SPATS2: variants seen among roughly 807,000 people sequenced by gnomAD.
SPATS2 encodes the protein spermatogenesis associated serine rich 2, also known as spermatogenesis-associated serine-rich protein 2.
SPATS2 carries 38 observed loss-of-function variants against 63.7 expected under a neutral mutation model. That is an observed-to-expected ratio of 0.60 (90% CI 0.46 to 0.78). SPATS2 has a LOEUF of 0.78. Among genes scored for constraint, SPATS2 ranks in the 30% least tolerant of loss-of-function variants. The pLI, the probability that SPATS2 is intolerant of heterozygous loss-of-function variation, is 0.00. For missense variants in SPATS2, 588 were observed against 666.2 expected, an observed-to-expected ratio of 0.88 and a Z score of 1.29; for synonymous variants, 207 against 232.9, an observed-to-expected ratio of 0.89 and a Z score of 1.01.
At position 49,449,693 on chromosome 12, in the gene SPATS2, C is replaced by A. The variant is rs992041810; in HGVS notation, c.-243-11077C>A. ...AAGTCATGTCTTACATGGAAGCAGG[C>A]AAGAAAGTTTGTGCAGGGGAACTCC... On this transcript the variant is annotated intron_variant, in intron 2 of 13. Transcript: ENST00000552918. 2.0e-5 allele frequency among the ~76,000 whole-genome samples: 3 copies of A among 152,266 alleles called. No individual in the cohort carries two copies. The South Asian group carries it at 6.2e-4, about 32-fold the overall frequency.
chr12:49,402,875 C>G (rs1944630381), intron 2 of SPATS2, among the ~76,000 whole-genome samples: 2 of 152,124 alleles, frequency 1.3e-5, no homozygotes, highest in African/African-American at 2.4e-5. Context: ...AGAGAAAACA[C>G]TACGGATAGG....
At chr12:49,404,559 G>C in intron 2 of SPATS2, among the ~76,000 whole-genome samples, 1 of 152,118 alleles carries the variant, frequency 6.6e-6, no homozygotes, top group Non-Finnish European at 1.5e-5. Context: ...GATTATAGGC[G>C]TGAGCCACTG....
chr12:49,424,352 T>C (rs1211896905), intron 2 of SPATS2, among the ~76,000 whole-genome samples: 1 of 152,196 alleles, frequency 6.6e-6, no homozygotes, highest in African/African-American at 2.4e-5. Flanking sequence ...AGAACATACC[T>C]GCATAGGGAA....
At chr12:49,464,406 G>A (rs1036986315) in intron 3 of SPATS2, among the ~76,000 whole-genome samples, 1 of 151,260 alleles carries the variant, frequency 6.6e-6, no homozygotes, top group African/African-American at 2.4e-5. Context: ...GATCATCTGA[G>A]GTTGGGAGTT....
chr12:49,398,793 T>A (rs1057355811), intron 2 of SPATS2, among the ~76,000 whole-genome samples: 4 of 152,210 alleles, frequency 2.6e-5, no homozygotes, highest in African/African-American at 7.2e-5. Flanking sequence ...TGATTTGAGT[T>A]AAACAGCTCT....
At chr12:49,431,730 T>A (rs898644893) in intron 2 of SPATS2, among the ~76,000 whole-genome samples, 1 of 152,298 alleles carries the variant, frequency 6.6e-6, no homozygotes, top group Non-Finnish European at 1.5e-5. Context: ...GCAAGGTAAA[T>A]TCCTAGAAAT....
chr12:49,371,800 C>T (rs1298838607), intron 2 of SPATS2, among the ~76,000 whole-genome samples: 1 of 152,118 alleles, frequency 6.6e-6, no homozygotes, highest in African/African-American at 2.4e-5. Context: ...CTTGTGAGAA[C>T]AACCCCAGGG....
intron 9 of SPATS2, among the ~76,000 whole-genome samples, chr12:49,510,340 T>TC (rs1946730913): frequency 1.3e-5 from 2 of 151,032 alleles, no homozygotes; most frequent in Non-Finnish European, 2.9e-5. Flanking sequence ...TGTGGATGGA[T>TC]CGCTTGAGCT....
chr12:49,389,544 C>A, intron 2 of SPATS2: 1 of 980,908 alleles, frequency 1.0e-6, no homozygotes, highest in Non-Finnish European at 1.7e-6. Flanking sequence ...AAGGCACTTG[C>A]TGATGCTAAA....
chr12:49,512,164 T>G (rs892487642), intron 9 of SPATS2, among the ~76,000 whole-genome samples: 7 of 152,222 alleles, frequency 4.6e-5, no homozygotes, highest in Non-Finnish European at 7.3e-5. Flanking sequence ...TGTAAAAATT[T>G]TAATGGAGAA....
intron 3 of SPATS2, among the ~76,000 whole-genome samples, chr12:49,480,553 C>G (rs1375429332): frequency 1.3e-5 from 2 of 152,096 alleles, no homozygotes; most frequent in Admixed American, 1.3e-4. Context: ...ACCGTTGTAT[C>G]CTAGTGTATC....
intron 3 of SPATS2, among the ~76,000 whole-genome samples, chr12:49,483,886 A>G (rs921937574): frequency 2.0e-5 from 3 of 152,210 alleles, no homozygotes; most frequent in Non-Finnish European, 2.9e-5. Flanking sequence ...AAAGCACTCT[A>G]ACCATTTCCT....
Position 49,522,731 on chromosome 12 carries a change from T to A in SPATS2, c.1009-20T>A. The A allele has an allele frequency of 6.2e-7, 1 of 1,608,608 alleles. No homozygotes were observed. Among genetic ancestry groups the A allele is most frequent in the South Asian group, 1.1e-5 (1 of 90,636 alleles). ...ATGTTGTTTGTCTAACCTGGAGGCC[T>A]TTCTTTGTCCTTTCTCCAGCACTTT... On this transcript the variant is annotated intron_variant, in intron 11 of 13. Transcript: ENST00000552918.
chr12:49,386,923 T>G (rs766385963), intron 2 of SPATS2: 1 of 152,198 alleles, frequency 6.6e-6, no homozygotes, highest in Non-Finnish European at 1.5e-5. Flanking sequence ...TTCAGAGAGA[T>G]ACGGTATGGA....
chr12:49,522,048 C>T (rs1946950982), intron 11 of SPATS2, among the ~76,000 whole-genome samples: 1 of 151,816 alleles, frequency 6.6e-6, no homozygotes, highest in Non-Finnish European at 1.5e-5. Context: ...AAAATGATTC[C>T]AGTCTACCTT....
At chr12:49,499,828 C>G (rs1946534087) in intron 8 of SPATS2, among the ~76,000 whole-genome samples, 1 of 151,994 alleles carries the variant, frequency 6.6e-6, no homozygotes, top group African/African-American at 2.4e-5. Context: ...TATATTTTGT[C>G]TTTGTATGTT....
intron 2 of SPATS2, among the ~76,000 whole-genome samples, chr12:49,379,174 C>T (rs1944164287): frequency 6.6e-6 from 1 of 151,690 alleles, no homozygotes; most frequent in Non-Finnish European, 1.5e-5. Context: ...CCCACCTCGG[C>T]CTCCCAAAGT....
In SPATS2 at chr12:49,527,153, G is replaced by T. The variant is rs906609500; in HGVS notation, c.*898G>T. 2.0e-5 allele frequency: 3 copies of T among 151,698 alleles called. No individual in the cohort carries two copies. Among genetic ancestry groups the T allele is most frequent in the African/African-American group, 7.3e-5 (3 of 41,238 alleles). 9.4% of individuals were successfully genotyped at this position (151,698 alleles called of 1,614,324 possible). ...GAGGCAGGAGAATCGCTTGAACCCA[G>T]GAGGCGGAGGCTGCAGTGAGCTGAG... is the stretch of plus-strand genomic sequence containing the variant. On this transcript the variant is annotated 3_prime_UTR_variant, in exon 14 of 14. Coordinates refer to ENST00000552918, the MANE Select transcript of SPATS2 (RefSeq NM_023071.4).
chr12:49,392,759 A>G (rs1041981765), intron 2 of SPATS2, among the ~76,000 whole-genome samples: 3 of 151,730 alleles, frequency 2.0e-5, no homozygotes, highest in Non-Finnish European at 4.4e-5. Context: ...CCACAGATAA[A>G]AATAGAAGTA....
Sources: allele counts gnomAD v4.1 joint callset (sites outside exome capture counted in the v4.1 genomes callset), GRCh38; gene constraint gnomAD v4.1.1; transcripts MANE v1.5; gene names NCBI Gene and HGNC (gene_info 2026-07-23, HGNC 2026-07-21).